Variants in ART3 observed in about 807,000 individuals in gnomAD.
ART3 encodes the protein ecto-ADP-ribosyltransferase 3.
A neutral mutation model predicts 48.5 loss-of-function variants in ART3; 49 were observed. The ratio of observed to expected loss-of-function variants is 1.01; its 90% CI spans 0.80 to 1.28. The LOEUF (loss-of-function observed/expected upper bound fraction) is 1.28, where lower values mean the gene tolerates loss of function less well. ART3 is among the 50% of genes most tolerant of loss of function. ART3 has a pLI of 0.00. For missense variants in ART3, 438 were observed against 454.3 expected, an observed-to-expected ratio of 0.96 and a Z score of 0.33; for synonymous variants, 145 against 157.2, an observed-to-expected ratio of 0.92 and a Z score of 0.58.
chr4:76,036,393 C>A (rs1330289071), intron 1 of ART3, among the ~76,000 whole-genome samples: 2 of 152,114 alleles, frequency 1.3e-5, no homozygotes, highest in Non-Finnish European at 2.9e-5. Flanking sequence ...GTTTTTGGTC[C>A]TTTCACCCAC....
intron 1 of ART3, among the ~76,000 whole-genome samples, chr4:76,044,515 C>G (rs564397197): frequency 1.1e-4 from 16 of 152,192 alleles, no homozygotes; most frequent in African/African-American, 3.6e-4. Context: ...GCTAGGAAGA[C>G]AGAAATTTAC....
intron 1 of ART3, among the ~76,000 whole-genome samples, chr4:76,051,676 A>T (rs1297150289): frequency 6.6e-6 from 1 of 151,548 alleles, no homozygotes; most frequent in East Asian, 2.0e-4. Flanking sequence ...AGTAGCTGGG[A>T]CTATGGGCAC....
chr4:76,106,933 C>T (rs1301493899), intron 10 of ART3, among the ~76,000 whole-genome samples: 3 of 152,158 alleles, frequency 2.0e-5, no homozygotes, highest in Non-Finnish European at 2.9e-5. Flanking sequence ...TTTGATTTTG[C>T]AATGGTCTGA....
intron 8 of ART3, among the ~76,000 whole-genome samples, chr4:76,101,456 TTTTTG>T (rs1218919903): frequency 6.6e-6 from 1 of 152,242 alleles, no homozygotes; most frequent in Non-Finnish European, 1.5e-5. Context: ...CAAGTATTTG[TTTTTG>T]TTTTATTTTT....
intron 1 of ART3, chr4:76,058,584 T>C (rs951671428): frequency 1.3e-5 from 2 of 152,194 alleles, no homozygotes; most frequent in Non-Finnish European, 2.9e-5. Context: ...TGTCTTTCTG[T>C]TTCTTAGGCC....
upstream of ART3, among the ~76,000 whole-genome samples, chr4:76,072,871 T>C (rs1209590148): frequency 2.6e-5 from 4 of 152,172 alleles, no homozygotes; most frequent in African/African-American, 9.7e-5. Context: ...TTCACTGTGT[T>C]TGACTGCCAC....
chr4:76,047,505 C>T (rs959279291), intron 1 of ART3, among the ~76,000 whole-genome samples: 8 of 152,062 alleles, frequency 5.3e-5, no homozygotes, highest in African/African-American at 1.4e-4. Context: ...CATAGCCGCT[C>T]GGGGAAGGCA....
chr4:76,012,488 G>A (rs1560571850), intron 1 of ART3, among the ~76,000 whole-genome samples: 1 of 152,064 alleles, frequency 6.6e-6, no homozygotes, highest in Non-Finnish European at 1.5e-5. Context: ...AATACAACAT[G>A]GTGAGTTACA....
intron 8 of ART3, 104 bp downstream of exon 8, chr4:76,101,123 C>T: frequency 7.3e-7 from 1 of 1,375,530 alleles, no homozygotes; most frequent in Non-Finnish European, 1.0e-6. Context: ...GGGAGGAAGG[C>T]AGAGCTCACC....
chr4:76,015,030 T>C (rs1426586408), intron 1 of ART3, among the ~76,000 whole-genome samples: 1 of 152,174 alleles, frequency 6.6e-6, no homozygotes, highest in Non-Finnish European at 1.5e-5. Context: ...TTATTACTAG[T>C]AGACTTGCTC....
chr4:76,033,840 T>TA, intron 1 of ART3: 1 of 152,198 alleles, frequency 6.6e-6, no homozygotes, highest in South Asian at 2.1e-4. Context: ...TTACAAAAAG[T>TA]AAAAGTGATT....
At chr4:76,107,489 C>CT in intron 10 of ART3, 1 of 256,346 alleles carries the variant, frequency 3.9e-6, no homozygotes, top group Non-Finnish European at 7.3e-6. Context: ...ACTTGGGAAT[C>CT]TAAGTTCAAT....
At chr4:76,085,304 A>G (rs144113545) in intron 3 of ART3, among the ~76,000 whole-genome samples, 1 of 152,358 alleles carries the variant, frequency 6.6e-6, no homozygotes, top group Non-Finnish European at 1.5e-5. Context: ...TAGCCAAGGT[A>G]CTATGAGATA....
intron 1 of ART3, among the ~76,000 whole-genome samples, chr4:76,075,077 T>C (rs1720772915): frequency 6.6e-6 from 1 of 152,198 alleles, no homozygotes; most frequent in South Asian, 2.1e-4. Flanking sequence ...AAGGGAAGAC[T>C]TCTCCCTTCC....
At chr4:76,067,496 C>T (rs932670365) in intron 1 of ART3, among the ~76,000 whole-genome samples, 8 of 152,198 alleles carry the variant, frequency 5.3e-5, no homozygotes, top group Non-Finnish European at 1.0e-4. Flanking sequence ...ACTGAGCTAG[C>T]AATTAAATGT....
intron 1 of ART3, among the ~76,000 whole-genome samples, chr4:76,028,200 A>G (rs1409206013): frequency 6.6e-6 from 1 of 152,236 alleles, no homozygotes; most frequent in East Asian, 1.9e-4. Flanking sequence ...TTTTAGAGAC[A>G]GTAGCAAGCC....
chr4:76,059,484 T>C (rs1202094936), intron 1 of ART3, among the ~76,000 whole-genome samples: 1 of 152,096 alleles, frequency 6.6e-6, no homozygotes, highest in Non-Finnish European at 1.5e-5. Flanking sequence ...AATTTATTTT[T>C]AAAAGTTTAT....
intron 1 of ART3, among the ~76,000 whole-genome samples, chr4:76,050,893 A>G (rs1046396154): frequency 2.0e-5 from 3 of 152,344 alleles, no homozygotes; most frequent in Non-Finnish European, 2.9e-5. Flanking sequence ...CGCAGCTGCT[A>G]GCCCGGGTGC....
At chr4:76,083,696 A>G (rs1300548822) in intron 3 of ART3, among the ~76,000 whole-genome samples, 1 of 152,262 alleles carries the variant, frequency 6.6e-6, no homozygotes, top group Non-Finnish European at 1.5e-5. Context: ...CTACTTGTTC[A>G]GTAAGGAAAG....
Sources: allele counts gnomAD v4.1 joint callset (sites outside exome capture counted in the v4.1 genomes callset), GRCh38; gene constraint gnomAD v4.1.1; transcripts MANE v1.5; gene names NCBI Gene and HGNC (gene_info 2026-07-23, HGNC 2026-07-21).